The following PTPRG variants were observed in gnomAD, a reference collection of about 807,000 sequenced individuals.
PTPRG encodes protein tyrosine phosphatase receptor type G.
Under a neutral mutation model 165.3 loss-of-function variants are expected in PTPRG, and 102 were observed. The ratio of observed to expected loss-of-function variants is 0.62; its 90% CI spans 0.53 to 0.73. The LOEUF (loss-of-function observed/expected upper bound fraction) is 0.73. PTPRG is among the 30% of genes least tolerant of loss of function. The probability of loss-of-function intolerance (pLI) is 0.00; values close to 1 mark genes in which losing one functional copy is unlikely to be tolerated. For synonymous variants in PTPRG, 675 were observed against 669.5 expected (o/e 1.01, Z -0.13); for missense variants, 1,866 against 1,861.4 (o/e 1.00, Z -0.05).
At chr3:61,908,923 T>C (rs2038728342) in intron 2 of PTPRG, among the ~76,000 whole-genome samples, 1 of 152,198 alleles carries the variant, frequency 6.6e-6, no homozygotes, top group Admixed American at 6.5e-5. Flanking sequence ...CTGCCCCCCA[T>C]TCCAAGTGAG....
At chr3:61,685,397 C>T (rs561653811) in intron 1 of PTPRG, among the ~76,000 whole-genome samples, 1 of 152,300 alleles carries the variant, frequency 6.6e-6, no homozygotes, top group African/African-American at 2.4e-5. Context: ...ATCTGACTAC[C>T]TCAGGGATGC....
chr3:62,076,436 C>G (rs897960084), intron 4 of PTPRG, among the ~76,000 whole-genome samples: 2 of 152,122 alleles, frequency 1.3e-5, no homozygotes, highest in South Asian at 4.1e-4. Flanking sequence ...GACTTTATGC[C>G]TAAGAAAGCT....
At chr3:62,068,719 C>G (rs1355492548) in intron 4 of PTPRG, among the ~76,000 whole-genome samples, 2 of 152,102 alleles carry the variant, frequency 1.3e-5, no homozygotes, top group Non-Finnish European at 2.9e-5. Flanking sequence ...GTCTCAAACT[C>G]CTTGGCTCCA....
At chr3:62,040,029 A>G (rs1436038971) in intron 4 of PTPRG, among the ~76,000 whole-genome samples, 1 of 152,196 alleles carries the variant, frequency 6.6e-6, no homozygotes, top group Non-Finnish European at 1.5e-5. Context: ...TTTTATAGGT[A>G]GTTACTTTTC....
At chr3:61,647,325 CCAGATATTATACTAAG>C (rs1423825457) in intron 1 of PTPRG, among the ~76,000 whole-genome samples, 5 of 152,110 alleles carry the variant, frequency 3.3e-5, no homozygotes, top group Non-Finnish European at 5.9e-5. Context: ...TTCTTACATG[CCAGATATTATACTAAG>C]CACCATACAC....
chr3:62,269,049 GTATTGGCCAA>G lies in PTPRG; in HGVS notation c.2890_2899del (p.Tyr964GlnfsTer14). On this transcript the variant is annotated frameshift_variant, in exon 20 of 30. Coordinates refer to ENST00000474889, the MANE Select transcript of PTPRG (RefSeq NM_002841.4). LOFTEE classifies it high-confidence loss of function. Reference sequence around the variant, plus strand: ...TCTTTCTGCAGCGAAAATGTGATCAGTATTGGCCAACAGAGAACAGTGAGGAATATGGAAA... The same window carrying G: ...TCTTTCTGCAGCGAAAATGTGATCAGCAGAGAACAGTGAGGAATATGGAAA... The G allele has an allele frequency of 6.3e-7, 1 of 1,592,194 alleles. No homozygotes were observed. The highest frequency in any genetic ancestry group is 1.1e-5 in the South Asian group (1 of 87,972).
chr3:62,064,876 C>T (rs1425363280), intron 4 of PTPRG, among the ~76,000 whole-genome samples: 8 of 151,716 alleles, frequency 5.3e-5, no homozygotes, highest in Admixed American at 1.3e-4. Flanking sequence ...TGATTACAGG[C>T]GCGTGCCACC....
At chr3:62,136,586 C>T (rs1703717260) in intron 6 of PTPRG, among the ~76,000 whole-genome samples, 1 of 152,164 alleles carries the variant, frequency 6.6e-6, no homozygotes, top group Non-Finnish European at 1.5e-5. Flanking sequence ...TGTGTCCCAC[C>T]TAAATCTCAT....
Position 62,167,984 on chromosome 3 carries a change from A to G in PTPRG, c.854A>G (p.Tyr285Cys). The G allele has an allele frequency of 6.2e-7, 1 of 1,609,554 alleles. No homozygotes were observed. Among genetic ancestry groups the G allele is most frequent in the Non-Finnish European group, 8.5e-7 (1 of 1,178,656 alleles). ...PISYHQLEAF[Y>C]SIFTTEQQDH... is the part of the protein sequence containing the mutation. The stretch of plus-strand genomic sequence containing the variant: ...TCCTCTGTTCAGCTTGAGGCTTTTT[A>G]TTCCATCTTCACCACGGAGCAGCAA... Residue 285 changes from tyrosine (Y) to cysteine (C), a missense_variant, in exon 8 of 30, where the codon TAT becomes TGT. Coordinates refer to ENST00000474889, the MANE Select transcript of PTPRG (RefSeq NM_002841.4).
At chr3:61,862,343 G>GATTATTTCTAATGTAGGTATTACTAA (rs2037291998) in intron 2 of PTPRG, among the ~76,000 whole-genome samples, 2 of 150,364 alleles carry the variant, frequency 1.3e-5, no homozygotes, top group Admixed American at 1.3e-4. Context: ...ACCATAACTA[G>GATTATTTCTAATGTAGGTATTACTAA]TATTAAAGAT....
chr3:62,110,841 A>G (rs1438050915), intron 5 of PTPRG, among the ~76,000 whole-genome samples: 1 of 152,200 alleles, frequency 6.6e-6, no homozygotes, highest in Non-Finnish European at 1.5e-5. Context: ...GTTCTCTGTA[A>G]TCAAGGAAAA....
At chr3:62,198,789 G>A (rs1400857366) in intron 10 of PTPRG, among the ~76,000 whole-genome samples, 2 of 152,236 alleles carry the variant, frequency 1.3e-5, no homozygotes, top group Non-Finnish European at 2.9e-5. Context: ...AAGGCAGTAA[G>A]AAAATATCTG....
chr3:61,879,911 C>T (rs1332451420), intron 2 of PTPRG, among the ~76,000 whole-genome samples: 1 of 152,136 alleles, frequency 6.6e-6, no homozygotes, highest in African/African-American at 2.4e-5. Flanking sequence ...AATCAAAATT[C>T]CTTTTACAAC....
chr3:62,156,954 C>A, intron 6 of PTPRG, 113 bp from the exon 7 acceptor site: 1 of 967,414 alleles, frequency 1.0e-6, no homozygotes, highest in Non-Finnish European at 1.6e-6. Context: ...AGGATATAAA[C>A]AAACATAAGG....
At chr3:61,642,321 T>C (rs1702088636) in intron 1 of PTPRG, among the ~76,000 whole-genome samples, 1 of 152,286 alleles carries the variant, frequency 6.6e-6, no homozygotes, top group Non-Finnish European at 1.5e-5. Flanking sequence ...GTACAGTTTG[T>C]TATTTTGCTC....
intron 5 of PTPRG, among the ~76,000 whole-genome samples, chr3:62,096,303 T>C (rs1023494882): frequency 6.6e-6 from 1 of 152,178 alleles, no homozygotes; most frequent in African/African-American, 2.4e-5. Context: ...TGAAAGCAGG[T>C]CAGAAGGGGC....
intron 16 of PTPRG, among the ~76,000 whole-genome samples, chr3:62,259,267 C>A (rs1478649152): frequency 6.6e-6 from 1 of 152,230 alleles, no homozygotes; most frequent in East Asian, 1.9e-4. Flanking sequence ...GCTGCACCGA[C>A]TGCTGCCTGC....
chr3:61,908,236 G>A (rs1262639954), intron 2 of PTPRG, among the ~76,000 whole-genome samples: 1 of 151,106 alleles, frequency 6.6e-6, no homozygotes, highest in Admixed American at 6.6e-5. Flanking sequence ...GACCAGCCTG[G>A]CCAACACGGT....
intron 2 of PTPRG, among the ~76,000 whole-genome samples, chr3:61,790,412 A>G (rs1471275848): frequency 6.6e-6 from 1 of 152,212 alleles, no homozygotes; most frequent in Non-Finnish European, 1.5e-5. Flanking sequence ...GTTTTAGTCC[A>G]GTGGTTTGGA....
Sources: allele counts gnomAD v4.1 joint callset (sites outside exome capture counted in the v4.1 genomes callset), GRCh38; gene constraint gnomAD v4.1.1; transcripts MANE v1.5; gene names NCBI Gene and HGNC (gene_info 2026-07-23, HGNC 2026-07-21).